Variants in RAD9A observed in about 807,000 individuals in gnomAD.
RAD9A encodes RAD9 checkpoint clamp component A, also known as cell cycle checkpoint control protein RAD9A.
Under a neutral mutation model 41.2 loss-of-function variants are expected in RAD9A, and 25 were observed. The observed-to-expected ratio is 0.61, with a 90% CI of 0.44 to 0.85. RAD9A has a LOEUF of 0.85. RAD9A is among the 40% of genes least tolerant of loss of function. The pLI is 0.00. For missense variants in RAD9A, 514 were observed against 518.3 expected, an observed-to-expected ratio of 0.99 and a Z score of 0.08; for synonymous variants, 252 against 210.6, an observed-to-expected ratio of 1.20 and a Z score of -1.70.
chr11:67,392,451 G>A (rs989102385), intron 2 of RAD9A, among the ~76,000 whole-genome samples: 3 of 152,240 alleles, frequency 2.0e-5, no homozygotes, highest in African/African-American at 7.2e-5. Flanking sequence ...AGAAACTCGG[G>A]GAAGGCCTGG....
At chr11:67,396,731 G>A (rs535117469) in intron 9 of RAD9A, among the ~76,000 whole-genome samples, 3 of 152,326 alleles carry the variant, frequency 2.0e-5, no homozygotes, top group African/African-American at 7.2e-5. Context: ...CCTGGGCTGG[G>A]GGAAGCAGGT....
rs1344486855 is a variant in RAD9A at position 67,395,985 on chromosome 11, A to G, written c.633A>G (p.Glu211=). 6.2e-7 allele frequency: 1 copy of G among 1,614,124 alleles called. No individual in the cohort carries two copies. The highest frequency in any genetic ancestry group is 1.7e-5 in the Admixed American group (1 of 60,028). The stretch of plus-strand genomic sequence containing the variant: ...ATTTCCAGCAGCTGCAGGCCCAGGA[A>G]GGGGTGGCCATCACTTTCTGCCTCA... ...EEDFQQLQAQ[E]GVAITFCLKE... Residue 211 remains glutamate, a synonymous_variant, in exon 7 of 11, where the codon GAA becomes GAG. Transcript: ENST00000307980.
At chr11:67,392,598 G>A in intron 2 of RAD9A, 56 bp from the exon 3 acceptor site, 2 of 1,603,826 alleles carry the variant, frequency 1.2e-6, no homozygotes, top group Admixed American at 1.7e-5. Flanking sequence ...CAGCCAGAGG[G>A]CTGGGTCTGT....
intron 9 of RAD9A, among the ~76,000 whole-genome samples, chr11:67,396,804 G>A (rs1182241585): frequency 6.6e-6 from 1 of 152,160 alleles, no homozygotes; most frequent in Non-Finnish European, 1.5e-5. Context: ...GGAAGTTGGG[G>A]CTGGCCCCCA....
Position 67,398,389 on chromosome 11 carries a change from T to C in RAD9A, c.*830T>C. On this transcript the variant is annotated 3_prime_UTR_variant, in exon 11 of 11. Transcript: ENST00000307980. Reference sequence around the variant, plus strand: ...GGGACTGGACGCTGCTATTGATTCATTAAAAAAAGAAAAGAAAAATACACC... The same window carrying C: ...GGGACTGGACGCTGCTATTGATTCACTAAAAAAAGAAAAGAAAAATACACC... 1 of 809,746 alleles carries C rather than the reference T, an allele frequency of 1.2e-6. No individual in the cohort carries two copies. Among genetic ancestry groups the C allele is most frequent in the East Asian group, 2.7e-5 (1 of 37,044 alleles). The allele number at this position is 809,746 out of a possible 1,614,324, so 50.2% of individuals were successfully genotyped here. A position where few individuals can be genotyped will look rare whatever the true frequency, so the allele number is the denominator to read the frequency against.
Position 67,392,634 on chromosome 11 carries a change from C to G in RAD9A, c.106-20C>G. 6.2e-7 allele frequency: 1 copy of G among 1,612,934 alleles called. No individual in the cohort carries two copies. The highest frequency in any genetic ancestry group is 1.3e-5 in the African/African-American group (1 of 75,050). ...GGCTGCCCCCTGACCACGTCCCTCT[C>G]CCTGCTCTTCGTGGCCCAGCTCTCC... On this transcript the variant is annotated intron_variant, in intron 2 of 10. Transcript: ENST00000307980.
chr11:67,397,994 C>G lies in RAD9A; in HGVS notation c.*435C>G, dbSNP rs745678791. The G allele has an allele frequency of 3.5e-5, 7 of 200,650 alleles. No homozygotes were observed. The highest frequency in any genetic ancestry group is 7.1e-5 in the Non-Finnish European group (7 of 98,544). The allele number at this position is 200,650 out of a possible 1,614,324, so 12.4% of individuals were successfully genotyped here. ...TGAAGTCCTGGGCATGCATCTGGGA[C>G]CCCCGTGGAGCTGACAAGTTTTCCT... On this transcript the variant is annotated 3_prime_UTR_variant, in exon 11 of 11. Transcript: ENST00000307980.
At chr11:67,393,839 C>T in intron 5 of RAD9A, 49 bp downstream of exon 5, 1 of 1,460,058 alleles carries the variant, frequency 6.8e-7, no homozygotes. Context: ...TCTCTTCCTT[C>T]TTTGGGGCCC....
chr11:67,396,222 C>T (rs1412998954), intron 8 of RAD9A, 41 bp from the exon 9 acceptor site: 2 of 1,614,086 alleles, frequency 1.2e-6, no homozygotes, highest in Non-Finnish European at 1.7e-6. Context: ...ATGGCAGGAG[C>T]TGAATGGGAT....
intron 3 of RAD9A, chr11:67,393,295 A>G (rs1590928610): frequency 7.6e-7 from 1 of 1,312,720 alleles, no homozygotes; most frequent in East Asian, 3.0e-5. Flanking sequence ...AAAAAAAAAA[A>G]AAGGTAAGCA....
In RAD9A at chr11:67,396,410, C is replaced by A. The variant is rs1210399345; in HGVS notation, c.872+10C>A. The A allele has an allele frequency of 1.9e-6, 3 of 1,612,962 alleles. No homozygotes were observed. Among genetic ancestry groups the A allele is most frequent in the Non-Finnish European group, 2.5e-6 (3 of 1,179,592 alleles). On this transcript the variant is annotated intron_variant, in intron 9 of 10. Coordinates refer to ENST00000307980, the MANE Select transcript of RAD9A (RefSeq NM_004584.3). ...AGCTCCAGGCTCACAGGTGAGGGCA[C>A]CTCCCCCCAACTCCTCCTCTCTCCA...
At position 67,398,149 on chromosome 11, in the gene RAD9A, G is replaced by C. The variant is rs921099964; in HGVS notation, c.*590G>C. 1.9e-5 allele frequency: 5 copies of C among 257,662 alleles called. No homozygotes were observed. The highest frequency in any genetic ancestry group is 1.1e-4 in the African/African-American group (5 of 44,560). 16.0% of individuals were successfully genotyped at this position (257,662 alleles called of 1,614,324 possible). A position where few individuals can be genotyped will look rare whatever the true frequency, so the allele number is the denominator to read the frequency against. The stretch of plus-strand genomic sequence containing the variant: ...GCGGCTCTGTGCAGAAGAGCTGCCA[G>C]GCAGTGTCTTAGATGTGAGACGGAG... On this transcript the variant is annotated 3_prime_UTR_variant, in exon 11 of 11. Coordinates refer to ENST00000307980, the MANE Select transcript of RAD9A (RefSeq NM_004584.3).
At chr11:67,396,729 G>T (rs1318040622) in intron 9 of RAD9A, among the ~76,000 whole-genome samples, 1 of 152,198 alleles carries the variant, frequency 6.6e-6, no homozygotes, top group Non-Finnish European at 1.5e-5. Context: ...TGCCTGGGCT[G>T]GGGGAAGCAG....
At chr11:67,392,510 G>C in intron 2 of RAD9A, 144 bp from the exon 3 acceptor site, 2 of 1,270,180 alleles carry the variant, frequency 1.6e-6, no homozygotes, top group Non-Finnish European at 2.1e-6. Flanking sequence ...GACTCTGAAG[G>C]CTTCCATGGG....
intron 7 of RAD9A, 30 bp downstream of exon 7, chr11:67,396,051 T>C (rs377493669): frequency 1.1e-4 from 170 of 1,613,544 alleles, no homozygotes; most frequent in Non-Finnish European, 9.6e-5. Flanking sequence ...CTCGCCGTCC[T>C]GTCCTCCCTG....
At position 67,393,510 on chromosome 11, in the gene RAD9A, C is replaced by T. The variant is rs758523509; in HGVS notation, c.249C>T (p.Val83=). The change falls in exon 4 of 11, where the codon GTC becomes GTT. Residue 83 remains valine, a synonymous_variant. Coordinates refer to ENST00000307980, the MANE Select transcript of RAD9A (RefSeq NM_004584.3). ...CKILMKSFLS[V]FRSLAMLEKT... is the part of the protein sequence containing the mutation. Reference sequence around the variant, plus strand: ...ATCCCATGCAGTCTTTCCTGTCTGTCTTCCGCTCACTGGCGATGCTGGAGA... The same window carrying T: ...ATCCCATGCAGTCTTTCCTGTCTGTTTTCCGCTCACTGGCGATGCTGGAGA... The T allele has an allele frequency of 5.6e-6, 9 of 1,614,092 alleles. No homozygotes were observed. Among genetic ancestry groups the T allele is most frequent in the African/African-American group, 4.0e-5 (3 of 74,936 alleles).
Position 67,397,210 on chromosome 11 carries a change from G to A in RAD9A, c.904G>A (p.Asp302Asn), listed in dbSNP as rs776086633. Reference protein sequence around the residue: ...TPHPDDFANDDIDSYMIAMET... With the variant: ...TPHPDDFANDNIDSYMIAMET... ...CCACCCGGACGACTTTGCCAATGAC[G>A]ACATTGACTCTTACATGATCGCCAT... The change falls in exon 10 of 11, where the codon GAC (aspartate) becomes AAC (asparagine). Residue 302 changes from aspartate to asparagine, a missense_variant. This residue lies in a region of RAD9A where 216 missense variants were observed against 184.2 expected (regional missense o/e 1.17). Transcript: ENST00000307980. The A allele has an allele frequency of 6.2e-6, 10 of 1,613,776 alleles. No individual in the cohort carries two copies. The highest frequency in any genetic ancestry group is 7.6e-6 in the Non-Finnish European group (9 of 1,179,854).
rs368913521 is a variant in RAD9A at position 67,397,164 on chromosome 11, C to T, written c.873-15C>T. 55 of 1,596,396 alleles carry T rather than the reference C, an allele frequency of 3.4e-5. 1 individual carries two copies. Among genetic ancestry groups the T allele is most frequent in the South Asian group, 2.0e-4 (18 of 90,650 alleles). Reference sequence around the variant, plus strand: ...TCCCCCAGTCCCCTCCCTGATACTCCGATTCTGCCTACAGCACACCCCACC... The same window carrying T: ...TCCCCCAGTCCCCTCCCTGATACTCTGATTCTGCCTACAGCACACCCCACC... On this transcript the variant is annotated splice_polypyrimidine_tract_variant and intron_variant, in intron 9 of 10. Coordinates refer to ENST00000307980, the MANE Select transcript of RAD9A (RefSeq NM_004584.3).
In RAD9A at chr11:67,392,055, T is replaced by A. The variant is rs1027210765; in HGVS notation, c.11T>A (p.Leu4Gln). The stretch of plus-strand genomic sequence containing the variant: ...GAGCGCTGGGGCAGCATGAAGTGCC[T>A]GGTCACGGGCGGCAACGTGAAGGGT... MKCLVTGGNVKVLG... is the reference protein window; with the variant it reads MKCQVTGGNVKVLG... The change falls in exon 1 of 11, where the codon CTG becomes CAG. Residue 4 changes from leucine (L) to glutamine (Q), a missense_variant. This residue lies in a region of RAD9A where 268 missense variants were observed against 279.3 expected (regional missense o/e 0.96). Coordinates refer to ENST00000307980, the MANE Select transcript of RAD9A (RefSeq NM_004584.3). 6.3e-7 allele frequency: 1 copy of A among 1,579,922 alleles called. No homozygotes were observed.
Sources: allele counts gnomAD v4.1 joint callset (sites outside exome capture counted in the v4.1 genomes callset), GRCh38; gene constraint gnomAD v4.1.1; regional missense constraint gnomAD v4.1.1; transcripts MANE v1.5; gene names NCBI Gene and HGNC (gene_info 2026-07-23, HGNC 2026-07-21).